The following KALRN variants were observed in gnomAD, a reference collection of about 807,000 sequenced individuals.
KALRN encodes the protein kalirin.
In KALRN, 70 loss-of-function variants were observed where a neutral mutation model predicts 353.7. The ratio of observed to expected loss-of-function variants is 0.20; its 90% confidence interval spans 0.16 to 0.24. The LOEUF is 0.24. Among genes scored for constraint, KALRN ranks in the 10% least tolerant of loss-of-function variants. KALRN has a pLI of 1.00. For missense variants in KALRN, 2,791 were observed against 3,756.7 expected (o/e 0.74, Z 6.72); for synonymous variants, 1,391 against 1,434.8 (o/e 0.97, Z 0.69).
chr3:124,671,936 G>A lies in KALRN; in HGVS notation c.6942+38G>A, dbSNP rs752955111. ...TCATTACTCCCACCCTTGTCACTACGATGGCATAGCCTCAGGGGTTACTTT... is the reference window on the plus strand; with the variant it reads ...TCATTACTCCCACCCTTGTCACTACAATGGCATAGCCTCAGGGGTTACTTT... On this transcript the variant is annotated intron_variant, in intron 48 of 59. Transcript: ENST00000682506. 9.7e-6 allele frequency: 14 copies of A among 1,443,026 alleles called. 1 individual carries two copies. The highest frequency in any genetic ancestry group is 1.8e-4 in the Middle Eastern group (1 of 5,662). 89.4% of individuals were successfully genotyped at this position (1,443,026 alleles called of 1,614,324 possible). A position where few individuals can be genotyped will look rare whatever the true frequency, so the allele number is the denominator to read the frequency against.
At position 124,646,391 on chromosome 3, in the gene KALRN, C is replaced by CTTTTTTTTTTTT. The variant is rs10673161; in HGVS notation, c.5665-4411_5665-4400dup. Among the ~76,000 whole-genome samples the CTTTTTTTTTTTT allele has an allele frequency of 3.3e-3, 368 of 110,382 alleles. 31 individuals carry two copies. Among genetic ancestry groups the CTTTTTTTTTTTT allele is most frequent in the African/African-American group, 0.012 (348 of 29,572 alleles). 72.4% of individuals were successfully genotyped at this position (110,382 alleles called of 152,430 possible). On this transcript the variant is annotated intron_variant, in intron 37 of 59. Coordinates refer to ENST00000682506, the MANE Select transcript of KALRN (RefSeq NM_001388419.1). Reference sequence around the variant, plus strand: ...GACTGCTAGAGGGATCTTTTGTTTACTTTTTTTTTTTTTTTTTGAGACAGA... The same window carrying CTTTTTTTTTTTT: ...GACTGCTAGAGGGATCTTTTGTTTACTTTTTTTTTTTTTTTTTTTTTTTTTTTTTGAGACAGA...
At chr3:124,709,145 T>C (rs1052430680) in intron 57 of KALRN, among the ~76,000 whole-genome samples, 5 of 152,060 alleles carry the variant, frequency 3.3e-5, no homozygotes, top group Admixed American at 1.3e-4. Context: ...ACAAACTATA[T>C]AGCAAAAGAC....
At chr3:124,348,755 T>C (rs1184527718) in intron 10 of KALRN, among the ~76,000 whole-genome samples, 1 of 152,198 alleles carries the variant, frequency 6.6e-6, no homozygotes, top group African/African-American at 2.4e-5. Context: ...TCTCGCTCTG[T>C]TGCCCAGGCT....
chr3:124,625,795 A>C (rs1228852774), intron 34 of KALRN, among the ~76,000 whole-genome samples: 4 of 152,192 alleles, frequency 2.6e-5, no homozygotes, highest in Non-Finnish European at 5.9e-5. Context: ...AACAATTAAC[A>C]TGAGGCTGGG....
intron 21 of KALRN, among the ~76,000 whole-genome samples, chr3:124,452,483 G>A (rs1033977669): frequency 4.6e-5 from 7 of 152,316 alleles, no homozygotes; most frequent in African/African-American, 1.7e-4. Flanking sequence ...ATGTGATACT[G>A]TGGGAACACT....
intron 34 of KALRN, among the ~76,000 whole-genome samples, chr3:124,619,482 C>CTTTTTTTTT (rs59009780): frequency 1.9e-5 from 2 of 104,642 alleles, no homozygotes; most frequent in Non-Finnish European, 3.7e-5. Context: ...TATTTTCCTT[C>CTTTTTTTTT]TTTTTTTTTT....
intron 3 of KALRN, among the ~76,000 whole-genome samples, chr3:124,263,591 A>T (rs1160365151): frequency 1.4e-5 from 2 of 144,144 alleles, no homozygotes; most frequent in Non-Finnish European, 3.1e-5. Context: ...CTGACTCTTT[A>T]AAAAAAAAAA....
At chr3:124,695,063 C>T (rs2061988956) in intron 53 of KALRN, among the ~76,000 whole-genome samples, 1 of 152,090 alleles carries the variant, frequency 6.6e-6, no homozygotes, top group Admixed American at 6.5e-5. Context: ...TTTTTTGTGC[C>T]TTTCAGGTTG....
rs141804795 is a variant in KALRN, at chr3:124,404,290, C to T, written c.2346+5419C>T. ...CTTGTATGAGTTATTTCTGCAGTCC[C>T]GGTGACTCTAAAAATGTTATAATGA... On this transcript the variant is annotated intron_variant, in intron 13 of 59. Transcript: ENST00000682506. Among the ~76,000 whole-genome samples the T allele has an allele frequency of 6.6e-5, 10 of 152,226 alleles. No individual in the cohort carries two copies. In the South Asian group the frequency reaches 1.5e-3, roughly 22 times the overall value.
At chr3:124,487,028 C>T (rs1296941292) in intron 28 of KALRN, among the ~76,000 whole-genome samples, 2 of 152,152 alleles carry the variant, frequency 1.3e-5, no homozygotes, top group Admixed American at 6.5e-5. Context: ...CTGTCATTAA[C>T]GTGTTTACAA....
chr3:124,387,094 C>T (rs987327844), intron 11 of KALRN, among the ~76,000 whole-genome samples: 10 of 151,998 alleles, frequency 6.6e-5, no homozygotes, highest in Non-Finnish European at 1.3e-4. Context: ...ATTTCTAAAC[C>T]CCAAATCAGG....
intron 19 of KALRN, among the ~76,000 whole-genome samples, chr3:124,445,009 A>C (rs78779483): frequency 0.017 from 2,652 of 152,298 alleles, 64 homozygotes; most frequent in African/African-American, 0.06. Flanking sequence ...TTCGTAAAGC[A>C]TAGAAAGTTG....
At chr3:124,396,973 C>A (rs1221856432) in intron 12 of KALRN, among the ~76,000 whole-genome samples, 3 of 152,228 alleles carry the variant, frequency 2.0e-5, no homozygotes, top group African/African-American at 7.2e-5. Flanking sequence ...GCCTCACACA[C>A]ACCAGAAACA....
At chr3:124,055,869 C>T (rs1359040109) in intron 1 of KALRN, among the ~76,000 whole-genome samples, 4 of 152,180 alleles carry the variant, frequency 2.6e-5, no homozygotes, top group African/African-American at 9.7e-5. Context: ...TTCCCCATGC[C>T]AAGTCTTTTC....
intron 32 of KALRN, 83 bp from the exon 33 acceptor site, chr3:124,496,228 C>T (rs2108553669): frequency 9.8e-7 from 1 of 1,015,312 alleles, no homozygotes; most frequent in East Asian, 2.4e-5. Flanking sequence ...GCTCTGCCCA[C>T]CCAACCGGAA....
chr3:124,718,810 A>G, intron 59 of KALRN, 115 bp from the exon 60 acceptor site: 2 of 976,754 alleles, frequency 2.0e-6, no homozygotes, highest in South Asian at 1.6e-5. Flanking sequence ...TCTGTACACC[A>G]TAGGCTTTAT....
chr3:124,188,469 A>T (rs977953539), intron 1 of KALRN, among the ~76,000 whole-genome samples: 1 of 152,222 alleles, frequency 6.6e-6, no homozygotes, highest in Non-Finnish European at 1.5e-5. Context: ...TCCCCTCAGC[A>T]TGGCTGGTTC....
intron 6 of KALRN, among the ~76,000 whole-genome samples, chr3:124,323,273 G>T (rs1221231098): frequency 1.3e-5 from 2 of 152,276 alleles, no homozygotes; most frequent in Middle Eastern, 3.4e-3. Flanking sequence ...CCTGCCAGTG[G>T]TTCAGATCCC....
intron 32 of KALRN, among the ~76,000 whole-genome samples, chr3:124,493,381 C>G (rs951063373): frequency 1.3e-5 from 2 of 152,128 alleles, no homozygotes; most frequent in African/African-American, 4.8e-5. Flanking sequence ...CTTCATTCAC[C>G]TATGATAAGC....
Sources: gnomAD v4.1 joint callset for allele counts (sites outside exome capture counted in the v4.1 genomes callset) on GRCh38, gnomAD v4.1.1 for gene constraint, MANE v1.5 for transcripts, NCBI Gene and HGNC (gene_info 2026-07-23, HGNC 2026-07-21) for gene names.